Variants in ESPN observed in about 807,000 individuals in gnomAD.
ESPN encodes the protein espin.
A neutral mutation model predicts 77.7 loss-of-function variants in ESPN; 68 were observed. The ratio of observed to expected loss-of-function variants is 0.87; its 90% CI spans 0.72 to 1.07. The LOEUF (loss-of-function observed/expected upper bound fraction) is 1.07, where lower values mean the gene tolerates loss of function less well. Ranked by LOEUF, ESPN falls within the 50% of genes least tolerant of loss-of-function variation. ESPN has a pLI of 0.00. For missense variants in ESPN, 1,060 were observed against 1,239.0 expected, an observed-to-expected ratio of 0.86 and a Z score of 2.17; for synonymous variants, 449 against 567.1, an observed-to-expected ratio of 0.79 and a Z score of 2.96.
chr1:6,440,236 G>C lies in ESPN; in HGVS notation c.489-18G>C. The C allele has an allele frequency of 6.5e-7, 1 of 1,547,570 alleles. No individual in the cohort carries two copies. The highest frequency in any genetic ancestry group is 8.7e-7 in the Non-Finnish European group (1 of 1,145,692). On this transcript the variant is annotated intron_variant, in intron 2 of 12. Coordinates refer to ENST00000645284, the MANE Select transcript of ESPN (RefSeq NM_031475.3). Reference sequence around the variant, plus strand: ...GGTGAGGCGCTGAAAGCCCACGGTGGGCGCTGTGTCTCCGCAGGGGAGTGA... The same window carrying C: ...GGTGAGGCGCTGAAAGCCCACGGTGCGCGCTGTGTCTCCGCAGGGGAGTGA...
intron 6 of ESPN, 120 bp downstream of exon 6, chr1:6,444,802 T>C: frequency 8.3e-7 from 1 of 1,200,728 alleles, no homozygotes; most frequent in East Asian, 2.5e-5. Flanking sequence ...CCTCATCACT[T>C]GCTCTTAAAC....
At position 6,428,496 on chromosome 1, in the gene ESPN, C is replaced by T; in HGVS notation, c.488+77C>T. The T allele has an allele frequency of 7.9e-7, 1 of 1,268,644 alleles. No homozygotes were observed. The highest frequency in any genetic ancestry group is 1.1e-6 in the Non-Finnish European group (1 of 906,878). 78.6% of individuals were successfully genotyped at this position (1,268,644 alleles called of 1,614,324 possible). A position where few individuals can be genotyped will look rare whatever the true frequency, so the allele number is the denominator to read the frequency against. ...GGGGGATGCCTGGGATTTTCCACGC[C>T]TCTCTGGCACTCCAGGGCAATGATC... On this transcript the variant is annotated intron_variant, in intron 2 of 12. Transcript: ENST00000645284. This position sits in a 1 kb window ranked among gnomAD's most constrained non-coding sequence, Gnocchi z 5.4.
At chr1:6,434,206 C>A (rs548009844) in intron 2 of ESPN, among the ~76,000 whole-genome samples, 1 of 152,188 alleles carries the variant, frequency 6.6e-6, no homozygotes, top group African/African-American at 2.4e-5. Flanking sequence ...CCTGGCCTCC[C>A]AGCTGCCCTA....
rs1643092461 is a variant in ESPN at position 6,427,737 on chromosome 1, G to A, written c.295-489G>A. On this transcript the variant is annotated intron_variant, in intron 1 of 12. Coordinates refer to ENST00000645284, the MANE Select transcript of ESPN (RefSeq NM_031475.3). This position sits in a 1 kb window ranked among gnomAD's most constrained non-coding sequence, Gnocchi z 4.6. ...ACGTGACACCGAGGAAGGGTGGAGA[G>A]ATCGGGGGCAAGTGTTGGATGCAGG... is the stretch of plus-strand genomic sequence containing the variant. 6.6e-6 allele frequency among the ~76,000 whole-genome samples: 1 copy of A among 151,776 alleles called. No individual in the cohort carries two copies. Among genetic ancestry groups the A allele is most frequent in the Admixed American group, 6.6e-5 (1 of 15,250 alleles).
intron 10 of ESPN, 126 bp from the exon 11 acceptor site, chr1:6,457,058 C>A: frequency 1.0e-6 from 1 of 969,056 alleles, no homozygotes. Flanking sequence ...CCTCCATCCA[C>A]TTGTCACACA....
chr1:6,431,838 G>T (rs888237384), intron 2 of ESPN, among the ~76,000 whole-genome samples: 4 of 152,136 alleles, frequency 2.6e-5, no homozygotes, highest in Non-Finnish European at 5.9e-5. Context: ...TGTTTATTGA[G>T]CATCTTCTAT....
intron 10 of ESPN, chr1:6,455,154 C>G (rs1644028325): frequency 2.6e-6 from 1 of 388,572 alleles, no homozygotes; most frequent in Non-Finnish European, 4.6e-6. Context: ...CCTGGGCACC[C>G]TGGGCCCGCC....
rs537879246 is a variant in ESPN, at chr1:6,450,086, T to C, written c.1915+995T>C. ...CCACAGCCTGCAGCAGGGCTGAAGC[T>C]AAGGGCAGAGAAAAACATACTCTGG... is the stretch of plus-strand genomic sequence containing the variant. On this transcript the variant is annotated intron_variant, in intron 8 of 12. Coordinates refer to ENST00000645284, the MANE Select transcript of ESPN (RefSeq NM_031475.3). The surrounding 1 kb of genome is among the most constrained non-coding windows in gnomAD (Gnocchi z 4.3). Among the ~76,000 whole-genome samples the C allele has an allele frequency of 6.6e-6, 1 of 152,154 alleles. No homozygotes were observed. Among genetic ancestry groups the C allele is most frequent in the Non-Finnish European group, 1.5e-5 (1 of 67,982 alleles).
At chr1:6,445,567 C>T (rs1025448839) in intron 6 of ESPN, 97 bp from the exon 7 acceptor site, 26 of 1,411,666 alleles carry the variant, frequency 1.8e-5, no homozygotes, top group Middle Eastern at 2.4e-4. Context: ...CCCACCTTGC[C>T]CCTCGGCAAG....
At chr1:6,429,559 T>C (rs1308269117) in intron 2 of ESPN, among the ~76,000 whole-genome samples, 1 of 152,082 alleles carries the variant, frequency 6.6e-6, no homozygotes, top group African/African-American at 2.4e-5. Context: ...ACCCCCTCAC[T>C]TCAAGCAGAG....
At chr1:6,459,838 A>G (rs145458891) in intron 12 of ESPN, among the ~76,000 whole-genome samples, 161 bp from the exon 13 acceptor site, 109 of 152,076 alleles carry the variant, frequency 7.2e-4, no homozygotes, top group African/African-American at 2.2e-3. Context: ...TCTGCCCCCA[A>G]TCTAGCCCCT....
Position 6,427,286 on chromosome 1 carries a change from C to T in ESPN, c.295-940C>T, listed in dbSNP as rs926454406. On this transcript the variant is annotated intron_variant, in intron 1 of 12. Transcript: ENST00000645284. The surrounding 1 kb of genome is among the most constrained non-coding windows in gnomAD (Gnocchi z 4.6). ...TGGTGCTGGGAGGTGGTTCTGTTCC[C>T]GAACCAGTACCCACTCTGCCAAGTG... 7.2e-5 allele frequency among the ~76,000 whole-genome samples: 11 copies of T among 152,160 alleles called. No homozygotes were observed. The highest frequency in any genetic ancestry group is 3.9e-4 in the Admixed American group (6 of 15,276).
At position 6,425,139 on chromosome 1, in the gene ESPN, C is replaced by A. The variant is rs1168347834; in HGVS notation, c.184C>A (p.Pro62Thr). 12 of 1,508,268 alleles carry A rather than the reference C, an allele frequency of 8.0e-6. No individual in the cohort carries two copies. The highest frequency in any genetic ancestry group is 8.8e-6 in the Non-Finnish European group (10 of 1,136,762). 93.4% of individuals were successfully genotyped at this position (1,508,268 alleles called of 1,614,324 possible). ...CTTCCTGGTGGAGGAAGCCGCCCTC[C>A]CCGCCGCGGCCCGCGCCCGCAACGG... ...LRFLVEEAALPAAARARNGAT... is the reference protein window; with the variant it reads ...LRFLVEEAALTAAARARNGAT... The change falls in exon 1 of 13, where the codon CCC becomes ACC. Residue 62 changes from proline to threonine, a missense_variant. Pro to Thr is a conservative substitution (Grantham distance 38). This residue lies in a region of ESPN where 556 missense variants were observed against 633.6 expected (regional missense o/e 0.88). Transcript: ENST00000645284.
At position 6,452,108 on chromosome 1, in the gene ESPN, G is replaced by A. The variant is rs376217212; in HGVS notation, c.2325+12G>A. The stretch of plus-strand genomic sequence containing the variant: ...AGCAGAGGCGGAAGGTGGGTGGGGC[G>A]GGGTGCCCAGGGAGCCCTGGGGTCT... On this transcript the variant is annotated intron_variant, in intron 10 of 12. Coordinates refer to ENST00000645284, the MANE Select transcript of ESPN (RefSeq NM_031475.3). The A allele has an allele frequency of 1.2e-5, 18 of 1,530,706 alleles. No individual in the cohort carries two copies. Among genetic ancestry groups the A allele is most frequent in the Admixed American group, 2.0e-5 (1 of 50,806 alleles). The allele number at this position is 1,530,706 out of a possible 1,614,324, so 94.8% of individuals were successfully genotyped here.
At chr1:6,455,464 GGCTGCGGCAGCT>G (rs1459005515) in intron 10 of ESPN, 9 of 397,008 alleles carry the variant, frequency 2.3e-5, no homozygotes, top group South Asian at 1.3e-4. Flanking sequence ...CCCGACGAAC[GGCTGCGGCAGCT>G]GCTGAGGCAG....
chr1:6,443,199 TG>T (rs981295972), intron 5 of ESPN: 2 of 150,038 alleles, frequency 1.3e-5, no homozygotes, highest in African/African-American at 4.9e-5. Context: ...GTTGACAATA[TG>T]GCATTTACTG....
chr1:6,429,288 G>A (rs1383099918), intron 2 of ESPN, among the ~76,000 whole-genome samples: 1 of 152,096 alleles, frequency 6.6e-6, no homozygotes, highest in African/African-American at 2.4e-5. Flanking sequence ...ATGTGAATGT[G>A]GACCCAGCCT....
At chr1:6,439,865 G>A (rs998082179) in intron 2 of ESPN, among the ~76,000 whole-genome samples, 7 of 152,056 alleles carry the variant, frequency 4.6e-5, no homozygotes, top group Middle Eastern at 3.2e-3. Context: ...AAAAATTAGC[G>A]GGGCGTGGTG....
intron 2 of ESPN, among the ~76,000 whole-genome samples, chr1:6,438,650 G>A (rs1385601861): frequency 2.0e-5 from 3 of 152,274 alleles, no homozygotes; most frequent in Admixed American, 1.3e-4. Flanking sequence ...CTGTGTGACC[G>A]AGGAGAGAGC....
Sources: gnomAD v4.1 joint callset for allele counts (sites outside exome capture counted in the v4.1 genomes callset) on GRCh38, gnomAD v4.1.1 for gene constraint, gnomAD v4.1.1 regional missense constraint, Gnocchi (gnomAD v3.1) non-coding constraint, MANE v1.5 for transcripts, NCBI Gene and HGNC (gene_info 2026-07-23, HGNC 2026-07-21) for gene names.